The following OTOG variants were observed in gnomAD, a reference collection of about 807,000 sequenced individuals.
OTOG encodes otogelin.
A neutral mutation model predicts 313.8 loss-of-function variants in OTOG; 296 were observed. That is an observed-to-expected ratio of 0.94 (90% CI 0.86 to 1.04). OTOG has a LOEUF of 1.04. Ranked by LOEUF, OTOG falls within the 50% of genes least tolerant of loss-of-function variation. The pLI is 0.00. For synonymous variants in OTOG, 1,533 were observed against 1,554.9 expected (o/e 0.99, Z 0.33); for missense variants, 3,948 against 3,840.1 (o/e 1.03, Z -0.74).
Position 17,610,453 on chromosome 11 carries a change from A to G in OTOG, c.5153A>G (p.Glu1718Gly). 2 of 1,550,560 alleles carry G rather than the reference A, an allele frequency of 1.3e-6. No individual in the cohort carries two copies. Among genetic ancestry groups the G allele is most frequent in the Non-Finnish European group, 1.7e-6 (2 of 1,146,970 alleles). The stretch of plus-strand genomic sequence containing the variant: ...AGTCCCCTTGCAACCAGGAGCTTGG[A>G]GATAGTGCTATCCACAGAGAAGGGC... ...PVSPLATRSL[E>G]IVLSTEKGEA... Residue 1718 changes from glutamate (E) to glycine (G), a missense_variant, in exon 36 of 56, where the codon GAG becomes GGG. Coordinates refer to ENST00000399397, the MANE Select transcript of OTOG (RefSeq NM_001292063.2).
In OTOG at chr11:17,570,247, C is replaced by A; in HGVS notation, c.1812C>A (p.Phe604Leu). Residue 604 changes from phenylalanine (F) to leucine (L), a missense_variant, in exon 17 of 56, where the codon TTC becomes TTA. By Grantham distance (22) the Phe-to-Leu change is conservative. Coordinates refer to ENST00000399397, the MANE Select transcript of OTOG (RefSeq NM_001292063.2). ...AGATCCGTAGGCTGTCCTCCGTGTT[C>A]CTGCGGGTGAGGACGAACGTGGGCG... ...AFEIRRLSSV[F>L]LRVRTNVGVR... The A allele has an allele frequency of 1.3e-6, 2 of 1,550,844 alleles. No homozygotes were observed. Among genetic ancestry groups the A allele is most frequent in the African/African-American group, 1.4e-5 (1 of 73,150 alleles).
chr11:17,625,244 G>A (rs1853955850), intron 39 of OTOG, among the ~76,000 whole-genome samples: 1 of 152,196 alleles, frequency 6.6e-6, no homozygotes, highest in Non-Finnish European at 1.5e-5. Context: ...CAGTTTTCAA[G>A]TGGAATGCTT....
At chr11:17,563,852 TGG>T (rs1852244226) in intron 15 of OTOG, among the ~76,000 whole-genome samples, 2 of 146,412 alleles carry the variant, frequency 1.4e-5, no homozygotes, top group African/African-American at 5.3e-5. Flanking sequence ...GGCTAGTTTT[TGG>T]TTTTTTTTTT....
chr11:17,600,707 G>A (rs549086317), intron 31 of OTOG, among the ~76,000 whole-genome samples: 1 of 152,208 alleles, frequency 6.6e-6, no homozygotes, highest in East Asian at 1.9e-4. Context: ...CCTGCAATGG[G>A]GGAACTGTGG....
chr11:17,613,327 C>CCCTCCCTTCCTT (rs1853637768), intron 38 of OTOG, among the ~76,000 whole-genome samples: 1 of 102,390 alleles, frequency 9.8e-6, no homozygotes, highest in African/African-American at 5.1e-5. Context: ...CTCTGCCCTG[C>CCCTCCCTTCCTT]CCTTCCTTCC....
At chr11:17,613,357 C>A (rs1331443131) in intron 38 of OTOG, among the ~76,000 whole-genome samples, 1 of 102,496 alleles carries the variant, frequency 9.8e-6, no homozygotes, top group Non-Finnish European at 2.3e-5. Flanking sequence ...TCCTTCCTTC[C>A]TTCCTTCCTT....
rs981996806 is a variant in OTOG at position 17,624,605 on chromosome 11, C to CT, written c.6529-4523dup. On this transcript the variant is annotated intron_variant, in intron 39 of 55. Transcript: ENST00000399397. The stretch of plus-strand genomic sequence containing the variant: ...GTAGCATGATGCCTCCAGCTTTGTT[C>CT]TTTTTGCTTAGGATTGCCTTGGCTA... Among the ~76,000 whole-genome samples, 76 of 152,234 alleles carry CT rather than the reference C, an allele frequency of 5.0e-4. 1 individual carries two copies. Among genetic ancestry groups the CT allele is most frequent in the Middle Eastern group, 3.4e-3 (1 of 292 alleles).
intron 20 of OTOG, among the ~76,000 whole-genome samples, chr11:17,575,817 G>A (rs1046091974): frequency 1.3e-5 from 2 of 152,162 alleles, no homozygotes; most frequent in Admixed American, 1.3e-4. Flanking sequence ...AACGAAAGGG[G>A]TCTGTGTGGC....
chr11:17,595,058 C>T (rs985989272), intron 28 of OTOG, among the ~76,000 whole-genome samples: 2 of 152,164 alleles, frequency 1.3e-5, no homozygotes, highest in African/African-American at 4.8e-5. Context: ...TCTTAATGCC[C>T]TGCTGGGAAG....
At position 17,612,786 on chromosome 11, in the gene OTOG, T is replaced by A; in HGVS notation, c.6438+21T>A. On this transcript the variant is annotated intron_variant, in intron 38 of 55. Coordinates refer to ENST00000399397, the MANE Select transcript of OTOG (RefSeq NM_001292063.2). ...ACCTGGTGCCTGCCCCATACCTCCC[T>A]CCCTGCTGGGGACTAGGAATGGGAC... 3 of 1,547,612 alleles carry A rather than the reference T, an allele frequency of 1.9e-6. No homozygotes were observed. The South Asian group carries it at 3.6e-5, about 19-fold the overall frequency.
At chr11:17,581,549 C>T (rs1241902135) in intron 23 of OTOG, among the ~76,000 whole-genome samples, 1 of 152,182 alleles carries the variant, frequency 6.6e-6, no homozygotes, top group East Asian at 1.9e-4. Context: ...AATGGTTGGT[C>T]CTCCTTAAAT....
chr11:17,552,982 G>A, intron 4 of OTOG, 137 bp from the exon 5 acceptor site: 3 of 773,028 alleles, frequency 3.9e-6, no homozygotes, highest in Admixed American at 2.2e-5. Flanking sequence ...GCACCAGCTT[G>A]TGCTAGCTGC....
At chr11:17,628,473 A>T (rs1488703372) in intron 39 of OTOG, among the ~76,000 whole-genome samples, 1 of 152,204 alleles carries the variant, frequency 6.6e-6, no homozygotes, top group Non-Finnish European at 1.5e-5. Flanking sequence ...TAACCTTGTT[A>T]ATACGTAGAA....
chr11:17,600,378 T>C (rs1410995561), intron 31 of OTOG, among the ~76,000 whole-genome samples: 1 of 152,158 alleles, frequency 6.6e-6, no homozygotes, highest in Non-Finnish European at 1.5e-5. Flanking sequence ...TAGAGTGAGA[T>C]GCTCATCTGG....
chr11:17,634,544 C>T (rs987182104), intron 44 of OTOG, among the ~76,000 whole-genome samples: 2 of 152,278 alleles, frequency 1.3e-5, no homozygotes, highest in Non-Finnish European at 2.9e-5. Context: ...AATTATTTCA[C>T]ATCCTCTGTG....
intron 36 of OTOG, 90 bp from the exon 37 acceptor site, chr11:17,612,072 A>G (rs1243815593): frequency 6.9e-7 from 1 of 1,455,084 alleles, no homozygotes; most frequent in Non-Finnish European, 9.3e-7. Context: ...GCTAGGACCT[A>G]CATGTGGGAA....
chr11:17,623,168 T>C (rs529860210), intron 39 of OTOG, among the ~76,000 whole-genome samples: 19 of 152,200 alleles, frequency 1.2e-4, no homozygotes, highest in Non-Finnish European at 8.8e-5. Flanking sequence ...ACTTTTAAGT[T>C]CAGGGGTACA....
intron 23 of OTOG, among the ~76,000 whole-genome samples, chr11:17,585,814 T>C (rs1288112684): frequency 6.6e-6 from 1 of 152,196 alleles, no homozygotes; most frequent in Non-Finnish European, 1.5e-5. Context: ...TCTTTTCACC[T>C]CTTTAACCCA....
Position 17,557,089 on chromosome 11 carries a change from ACCCTGAAGCTCTGGGATGTG to A in OTOG, c.660-23_660-4del. On this transcript the variant is annotated splice_polypyrimidine_tract_variant and intron_variant, in intron 7 of 55. Transcript: ENST00000399397. ...CTGGGCTAGTGGAGGTGTTGTGGAT[ACCCTGAAGCTCTGGGATGTG>A]CCCTGCAGGGTCCAACTGCCACATG... 1.2e-5 allele frequency: 19 copies of A among 1,544,216 alleles called. No homozygotes were observed. The highest frequency in any genetic ancestry group is 1.7e-5 in the Non-Finnish European group (19 of 1,145,952).
Sources: gnomAD v4.1 joint callset for allele counts (sites outside exome capture counted in the v4.1 genomes callset) on GRCh38, gnomAD v4.1.1 for gene constraint, MANE v1.5 for transcripts, NCBI Gene and HGNC (gene_info 2026-07-23, HGNC 2026-07-21) for gene names.